Variants in MTARC2 observed in about 807,000 individuals in gnomAD.
MTARC2 encodes the protein MOCO sulphurase C-terminal domain containing 2.
In MTARC2, 27 loss-of-function variants were observed where a neutral mutation model predicts 35.6. The observed-to-expected ratio is 0.76, with a 90% CI of 0.56 to 1.04. The LOEUF is 1.04. MTARC2 is among the 50% of genes least tolerant of loss of function. The pLI, the probability that MTARC2 is intolerant of heterozygous loss-of-function variation, is 0.00. For missense variants in MTARC2, 412 were observed against 432.5 expected (o/e 0.95, Z 0.42); for synonymous variants, 158 against 167.1 (o/e 0.95, Z 0.42).
At chr1:220,780,453 C>CT (rs11364112) in intron 6 of MTARC2, among the ~76,000 whole-genome samples, 6,252 of 133,766 alleles carry the variant, frequency 0.047, 264 homozygotes, top group African/African-American at 0.12. Flanking sequence ...TTTGGATAAA[C>CT]TTTTTTTTTT....
intron 7 of MTARC2, among the ~76,000 whole-genome samples, chr1:220,783,492 G>A (rs1478199077): frequency 6.6e-6 from 1 of 152,150 alleles, no homozygotes; most frequent in Admixed American, 6.5e-5. Context: ...ATCTGAGGGA[G>A]CCCAATGGCT....
At chr1:220,763,424 C>T (rs1671496042) in intron 4 of MTARC2, among the ~76,000 whole-genome samples, 1 of 152,216 alleles carries the variant, frequency 6.6e-6, no homozygotes, top group Non-Finnish European at 1.5e-5. Flanking sequence ...AGATTTGAGA[C>T]TTTCAGAAGA....
chr1:220,765,987 T>A (rs1671566863), intron 4 of MTARC2, among the ~76,000 whole-genome samples: 1 of 152,152 alleles, frequency 6.6e-6, no homozygotes, highest in Non-Finnish European at 1.5e-5. Flanking sequence ...TCCAGGTGAA[T>A]CTCATGCCCA....
chr1:220,769,038 G>A (rs1671659994), intron 4 of MTARC2, among the ~76,000 whole-genome samples: 1 of 152,168 alleles, frequency 6.6e-6, no homozygotes, highest in South Asian at 2.1e-4. Flanking sequence ...GATGGAGTAG[G>A]AATACATTCA....
chr1:220,759,060 T>G (rs1296863815), intron 2 of MTARC2, among the ~76,000 whole-genome samples: 1 of 152,276 alleles, frequency 6.6e-6, no homozygotes, highest in African/African-American at 2.4e-5. Context: ...TTACATGTTT[T>G]GTTAGATTTA....
At chr1:220,778,305 T>C (rs1196911898) in intron 4 of MTARC2, among the ~76,000 whole-genome samples, 3 of 150,392 alleles carry the variant, frequency 2.0e-5, no homozygotes, top group Non-Finnish European at 4.4e-5. Flanking sequence ...GGTTCTGCAG[T>C]CTGTACAGGA....
Position 220,755,041 on chromosome 1 carries a change from C to T in MTARC2, c.367C>T (p.Leu123=). 2 of 1,613,364 alleles carry T rather than the reference C, an allele frequency of 1.2e-6. No homozygotes were observed. Among genetic ancestry groups the T allele is most frequent in the Non-Finnish European group, 1.7e-6 (2 of 1,179,708 alleles). The part of the protein sequence containing the change: ...LISIIYENNC[L]IFRAPDMDQL... ...CTCCATCATTTATGAGAATAACTGCCTGATCTTCAGGGCTCCAGACATGGA... is the reference window on the plus strand; with the variant it reads ...CTCCATCATTTATGAGAATAACTGCTTGATCTTCAGGGCTCCAGACATGGA... Residue 123 remains leucine (L), a synonymous_variant, in exon 2 of 8, where the codon CTG becomes TTG. Transcript: ENST00000366913.
At chr1:220,762,184 C>T (rs1184657695) in intron 3 of MTARC2, among the ~76,000 whole-genome samples, 1 of 152,146 alleles carries the variant, frequency 6.6e-6, no homozygotes, top group Non-Finnish European at 1.5e-5. Flanking sequence ...ATTATAGAAG[C>T]GGACTTTGTT....
rs549104607 is a variant in MTARC2 at position 220,756,647 on chromosome 1, G to A, written c.446+1527G>A. Among the ~76,000 whole-genome samples the A allele has an allele frequency of 9.9e-5, 15 of 151,322 alleles. No individual in the cohort carries two copies. In the East Asian group the frequency reaches 2.5e-3, roughly 26 times the overall value. ...TGAAGAGGAAGTGTGTAGCCATCTCGGCTTAATTGGAAGACATGTGAAGGT... is the reference window on the plus strand; with the variant it reads ...TGAAGAGGAAGTGTGTAGCCATCTCAGCTTAATTGGAAGACATGTGAAGGT... On this transcript the variant is annotated intron_variant, in intron 2 of 7. Coordinates refer to ENST00000366913, the MANE Select transcript of MTARC2 (RefSeq NM_017898.5).
At chr1:220,783,783 C>T in intron 7 of MTARC2, 136 bp from the exon 8 acceptor site, 2 of 633,856 alleles carry the variant, frequency 3.2e-6, no homozygotes, top group East Asian at 2.8e-5. Context: ...AGCTAATGGG[C>T]CATGCTTTCT....
At chr1:220,766,878 C>CT (rs1248867621) in intron 4 of MTARC2, among the ~76,000 whole-genome samples, 4 of 137,476 alleles carry the variant, frequency 2.9e-5, no homozygotes, top group African/African-American at 1.1e-4. Context: ...AAAAAAAAGG[C>CT]TAGGCATGTC....
At chr1:220,757,831 G>C (rs1469195734) in intron 2 of MTARC2, among the ~76,000 whole-genome samples, 1 of 152,046 alleles carries the variant, frequency 6.6e-6, no homozygotes, top group Non-Finnish European at 1.5e-5. Flanking sequence ...GATGGTAAGC[G>C]ACAGAGTGAT....
chr1:220,749,682 C>T (rs1003275550), intron 1 of MTARC2, among the ~76,000 whole-genome samples: 15 of 152,104 alleles, frequency 9.9e-5, no homozygotes, highest in South Asian at 4.1e-4. Flanking sequence ...CCACCAGCCT[C>T]GGCCTCCTAA....
intron 4 of MTARC2, among the ~76,000 whole-genome samples, chr1:220,776,841 A>C (rs76495903): frequency 6.6e-6 from 1 of 152,234 alleles, no homozygotes; most frequent in Non-Finnish European, 1.5e-5. Flanking sequence ...GCCAGGGTCC[A>C]TTCAGCACAG....
intron 2 of MTARC2, among the ~76,000 whole-genome samples, chr1:220,755,326 C>T (rs1429043471): frequency 2.0e-5 from 3 of 152,058 alleles, no homozygotes; most frequent in East Asian, 1.9e-4. Flanking sequence ...TTGTTTTAAT[C>T]AGGTATGGTT....
chr1:220,765,006 C>A (rs945530988), intron 4 of MTARC2, among the ~76,000 whole-genome samples: 6 of 152,108 alleles, frequency 3.9e-5, no homozygotes, highest in African/African-American at 1.4e-4. Flanking sequence ...GGCCAGGAGA[C>A]AATGACAGCC....
intron 2 of MTARC2, among the ~76,000 whole-genome samples, chr1:220,758,118 G>T (rs1229435881): frequency 6.6e-6 from 1 of 151,946 alleles, no homozygotes; most frequent in Non-Finnish European, 1.5e-5. Flanking sequence ...CTGAGTAGCT[G>T]GGACTACAGG....
intron 4 of MTARC2, among the ~76,000 whole-genome samples, chr1:220,769,348 C>T (rs1411899223): frequency 6.6e-6 from 1 of 152,216 alleles, no homozygotes; most frequent in Non-Finnish European, 1.5e-5. Context: ...GGGCGGCCAG[C>T]GGAAGGCGGA....
intron 4 of MTARC2, among the ~76,000 whole-genome samples, chr1:220,764,019 T>C (rs1473839173): frequency 6.6e-6 from 1 of 152,090 alleles, no homozygotes; most frequent in Non-Finnish European, 1.5e-5. Flanking sequence ...GAGAAGAGGC[T>C]CTTAAACACC....
Sources: allele counts gnomAD v4.1 joint callset (sites outside exome capture counted in the v4.1 genomes callset), GRCh38; gene constraint gnomAD v4.1.1; transcripts MANE v1.5; gene names NCBI Gene and HGNC (gene_info 2026-07-23, HGNC 2026-07-21).